Variants in POLRMT observed in about 807,000 individuals in gnomAD.
The protein encoded by POLRMT is DNA-directed RNA polymerase, mitochondrial.
Under a neutral mutation model 132.2 loss-of-function variants are expected in POLRMT, and 114 were observed. The ratio of observed to expected loss-of-function variants is 0.86; its 90% CI spans 0.74 to 1.01. The LOEUF (loss-of-function observed/expected upper bound fraction) is 1.01, where lower values mean the gene tolerates loss of function less well. Ranked by LOEUF, POLRMT falls within the 50% of genes least tolerant of loss-of-function variation. The probability of loss-of-function intolerance (pLI) is 0.00; values close to 1 mark genes in which losing one functional copy is unlikely to be tolerated. For missense variants in POLRMT, 2,003 were observed against 1,729.1 expected (o/e 1.16, Z -2.81); for synonymous variants, 1,020 against 773.4 (o/e 1.32, Z -5.29).
chr19:628,518 C>G (rs1011155997), intron 3 of POLRMT, among the ~76,000 whole-genome samples: 1 of 152,176 alleles, frequency 6.6e-6, no homozygotes, highest in Admixed American at 6.5e-5. Context: ...TTCTCTACCA[C>G]GAATTGGTCT....
rs931953051 is a variant in POLRMT, at chr19:618,878, G to A, written c.3268-118C>T. On this transcript the variant is annotated intron_variant, in intron 15 of 20. Coordinates refer to ENST00000588649, the MANE Select transcript of POLRMT (RefSeq NM_005035.4). ...GGATGGTGGCACACTGGCGCGGGATGGGGTGGCACACTGGGGCGGTGGTAC... is the reference window on the plus strand; with the variant it reads ...GGATGGTGGCACACTGGCGCGGGATAGGGTGGCACACTGGGGCGGTGGTAC... The A allele has an allele frequency of 3.6e-6, 5 of 1,371,088 alleles. No homozygotes were observed. In the East Asian group the frequency reaches 7.6e-5, roughly 21 times the overall value. The allele number at this position is 1,371,088 out of a possible 1,614,324, so 84.9% of individuals were successfully genotyped here. A position where few individuals can be genotyped will look rare whatever the true frequency, so the allele number is the denominator to read the frequency against.
intron 15 of POLRMT, 86 bp downstream of exon 15, chr19:618,902 ACACTGGGGT>A: frequency 7.4e-7 from 1 of 1,353,138 alleles, no homozygotes; most frequent in Non-Finnish European, 1.0e-6. Flanking sequence ...GGGCGGTGGT[ACACTGGGGT>A]GGTGGTACGC....
chr19:617,697 C>T lies in POLRMT; in HGVS notation c.3496-42G>A, dbSNP rs780405645. 8 of 1,611,544 alleles carry T rather than the reference C, an allele frequency of 5.0e-6. No homozygotes were observed. In the African/African-American group the frequency reaches 9.3e-5, roughly 19 times the overall value. ...GGATCCCCAGGGGTGATCAGGCAGG[C>T]TCTGGGCACCACCCCTACCCAACGC... On this transcript the variant is annotated intron_variant, in intron 18 of 20. Coordinates refer to ENST00000588649, the MANE Select transcript of POLRMT (RefSeq NM_005035.4).
Position 627,986 on chromosome 19 carries a change from C to T in POLRMT, c.822+1554G>A, listed in dbSNP as rs193106952. Among the ~76,000 whole-genome samples the T allele has an allele frequency of 2.3e-3, 343 of 151,314 alleles. 4 individuals carry two copies. Among genetic ancestry groups the T allele is most frequent in the Non-Finnish European group, 2.8e-3 (191 of 67,864 alleles). On this transcript the variant is annotated intron_variant, in intron 3 of 20. Coordinates refer to ENST00000588649, the MANE Select transcript of POLRMT (RefSeq NM_005035.4). ...TAGCCTGGCTAACATGCTGAAACCC[C>T]ACCTCTACTAAAAATAAAAATTAAA...
At chr19:627,403 C>T (rs1985101824) in intron 3 of POLRMT, among the ~76,000 whole-genome samples, 1 of 151,788 alleles carries the variant, frequency 6.6e-6, no homozygotes. Context: ...CCGCCCGCCT[C>T]AGCCTCCCAA....
intron 5 of POLRMT, 41 bp downstream of exon 5, chr19:624,678 G>A: frequency 6.3e-7 from 1 of 1,587,568 alleles, no homozygotes; most frequent in African/African-American, 1.3e-5. Context: ...CCAAAGGGCA[G>A]CTATAAGGAC....
intron 13 of POLRMT, 88 bp from the exon 14 acceptor site, chr19:619,384 A>G: frequency 6.8e-7 from 1 of 1,478,852 alleles, no homozygotes; most frequent in Non-Finnish European, 9.4e-7. Flanking sequence ...CTGAGGCCCA[A>G]GGCCTAGGGC....
chr19:620,543 T>A (rs1453600006), intron 10 of POLRMT, 56 bp from the exon 11 acceptor site: 3 of 1,468,312 alleles, frequency 2.0e-6, no homozygotes, highest in Non-Finnish European at 2.7e-6. Context: ...CTGAGCCCGC[T>A]GGGAGGCTGT....
In POLRMT at chr19:633,530, G is replaced by GCGCCGCCGCCGCCA. The variant is rs769743605; in HGVS notation, c.-19_-18insTGGCGGCGGCGGCG. ...GCCGACATTACGCACGCCGCTCCAG[G>GCGCCGCCGCCGCCA]CCACCCCACCGGCCCGCGCCTGCGC... On this transcript the variant is annotated 5_prime_UTR_variant, in exon 1 of 21. Coordinates refer to ENST00000588649, the MANE Select transcript of POLRMT (RefSeq NM_005035.4). The GCGCCGCCGCCGCCA allele has an allele frequency of 3.8e-6, 5 of 1,319,364 alleles. No individual in the cohort carries two copies. Among genetic ancestry groups the GCGCCGCCGCCGCCA allele is most frequent in the African/African-American group, 3.7e-5 (1 of 26,846 alleles). The allele number at this position is 1,319,364 out of a possible 1,614,324, so 81.7% of individuals were successfully genotyped here.
chr19:619,404 G>T, intron 13 of POLRMT, 108 bp from the exon 14 acceptor site: 1 of 1,412,988 alleles, frequency 7.1e-7, no homozygotes, highest in Admixed American at 1.8e-5. Flanking sequence ...CCTAGCAGGG[G>T]GGCAGGGGAA....
At position 618,707 on chromosome 19, in the gene POLRMT, G is replaced by A. The variant is rs1171509459; in HGVS notation, c.3321C>T (p.Ser1107=). 6 of 1,607,538 alleles carry A rather than the reference G, an allele frequency of 3.7e-6. No homozygotes were observed. The highest frequency in any genetic ancestry group is 2.2e-5 in the East Asian group (1 of 44,584). ...CCCAGCCCGGGCCCCCCACTCACCG[G>A]CTGATGTCTCCGTTGTGGGTGTAGG... The part of the protein sequence containing the change: ...SITYTHNGDI[S]RKPNTRKQKN... The change falls in exon 16 of 21, where the codon AGC becomes AGT. Residue 1107 remains serine, a splice_region_variant and synonymous_variant. Transcript: ENST00000588649.
chr19:618,341 G>C (rs1349206583), intron 17 of POLRMT, 147 bp downstream of exon 17: 3 of 649,968 alleles, frequency 4.6e-6, no homozygotes, highest in Non-Finnish European at 5.2e-6. Context: ...CACAGCCTCA[G>C]GGCCTCTACA....
intron 15 of POLRMT, 89 bp downstream of exon 15, chr19:618,908 G>A (rs1984251620): frequency 1.7e-5 from 23 of 1,350,748 alleles, no homozygotes; most frequent in Non-Finnish European, 2.1e-5. Flanking sequence ...TGGTACACTG[G>A]GGTGGTGGTA....
rs373843623 is a variant in POLRMT at position 617,328 on chromosome 19, G to A, written c.3644-5C>T. The A allele has an allele frequency of 2.0e-5, 33 of 1,612,780 alleles. No individual in the cohort carries two copies. The highest frequency in any genetic ancestry group is 8.0e-5 in the African/African-American group (6 of 74,912). Reference sequence around the variant, plus strand: ...CCTGCTCCAGGTCGAAGGCCCCTGCGGAGGAAGCAGAGCGGACGGCGTGGG... The same window carrying A: ...CCTGCTCCAGGTCGAAGGCCCCTGCAGAGGAAGCAGAGCGGACGGCGTGGG... On this transcript the variant is annotated splice_region_variant and splice_polypyrimidine_tract_variant and intron_variant, in intron 20 of 20. Coordinates refer to ENST00000588649, the MANE Select transcript of POLRMT (RefSeq NM_005035.4).
At chr19:627,398 C>A (rs3787001) in intron 3 of POLRMT, among the ~76,000 whole-genome samples, 30 of 151,330 alleles carry the variant, frequency 2.0e-4, no homozygotes, top group African/African-American at 7.0e-4. Flanking sequence ...GTGATCCGCC[C>A]GCCTCAGCCT....
rs956055964 is a variant in POLRMT, at chr19:622,768, G to C, written c.1456-16C>G. 16 of 1,572,308 alleles carry C rather than the reference G, an allele frequency of 1.0e-5. No individual in the cohort carries two copies. The highest frequency in any genetic ancestry group is 1.1e-5 in the Non-Finnish European group (13 of 1,161,068). On this transcript the variant is annotated splice_polypyrimidine_tract_variant and intron_variant, in intron 7 of 20. Coordinates refer to ENST00000588649, the MANE Select transcript of POLRMT (RefSeq NM_005035.4). ...CCTGCAGGACCTGCGGAAGGCAGCC[G>C]TGAGTGCCTGCCCGCCCCGCCCGGG...
In POLRMT at chr19:633,522, C is replaced by T; in HGVS notation, c.-10G>A. On this transcript the variant is annotated 5_prime_UTR_variant, in exon 1 of 21. Transcript: ENST00000588649. ...AGCAAAGTGCCGACATTACGCACGC[C>T]GCTCCAGGCCACCCCACCGGCCCGC... The T allele has an allele frequency of 1.4e-6, 2 of 1,452,676 alleles. No individual in the cohort carries two copies. Among genetic ancestry groups the T allele is most frequent in the Non-Finnish European group, 9.0e-7 (1 of 1,108,412 alleles). 90.0% of individuals were successfully genotyped at this position (1,452,676 alleles called of 1,614,324 possible). A position where few individuals can be genotyped will look rare whatever the true frequency, so the allele number is the denominator to read the frequency against.
At position 619,315 on chromosome 19, in the gene POLRMT, A is replaced by G. The variant is rs1304043148; in HGVS notation, c.3067-19T>C. The stretch of plus-strand genomic sequence containing the variant: ...CGAACTCCTGCAGAGGGCGGGCAGC[A>G]GGTGCAGGTCCTCAGGGGCTGGCCC... On this transcript the variant is annotated intron_variant, in intron 13 of 20. Coordinates refer to ENST00000588649, the MANE Select transcript of POLRMT (RefSeq NM_005035.4). 1.9e-6 allele frequency: 3 copies of G among 1,606,772 alleles called. No homozygotes were observed. The highest frequency in any genetic ancestry group is 2.2e-5 in the East Asian group (1 of 44,806).
chr19:626,886 T>TAC (rs143170943), intron 3 of POLRMT, among the ~76,000 whole-genome samples: 3,027 of 143,646 alleles, frequency 0.021, 120 homozygotes, highest in African/African-American at 0.074. Flanking sequence ...TCTTAAAATA[T>TAC]ACACACACAC....
Sources: gnomAD v4.1 joint callset for allele counts (sites outside exome capture counted in the v4.1 genomes callset) on GRCh38, gnomAD v4.1.1 for gene constraint, MANE v1.5 for transcripts, NCBI Gene and HGNC (gene_info 2026-07-23, HGNC 2026-07-21) for gene names.